The following ZBTB7C variants were observed in gnomAD, a reference collection of about 807,000 sequenced individuals.
The protein encoded by ZBTB7C is zinc finger and BTB domain containing 7C, also known as zinc finger and BTB domain-containing protein 7C.
A neutral mutation model predicts 25.7 loss-of-function variants in ZBTB7C; 8 were observed. That is an observed-to-expected ratio of 0.31 (90% CI 0.18 to 0.56). The LOEUF is 0.56. Ranked by LOEUF, ZBTB7C falls within the 20% of genes least tolerant of loss-of-function variation. The pLI, the probability that ZBTB7C is intolerant of heterozygous loss-of-function variation, is 0.91. For missense variants in ZBTB7C, 824 were observed against 855.2 expected, an observed-to-expected ratio of 0.96 and a Z score of 0.46; for synonymous variants, 394 against 369.0, an observed-to-expected ratio of 1.07 and a Z score of -0.78.
At chr18:48,140,979 C>T (rs1441744215) in intron 3 of ZBTB7C, among the ~76,000 whole-genome samples, 2 of 152,208 alleles carry the variant, frequency 1.3e-5, no homozygotes, top group Non-Finnish European at 2.9e-5. Flanking sequence ...GCTCCTTCGG[C>T]CCAACGCCAC....
chr18:48,112,522 A>G (rs2039284382), intron 3 of ZBTB7C, among the ~76,000 whole-genome samples: 5 of 151,744 alleles, frequency 3.3e-5, no homozygotes, highest in African/African-American at 1.2e-4. Context: ...AGATTTTTAT[A>G]TTTTTAGTAG....
upstream of ZBTB7C, among the ~76,000 whole-genome samples, chr18:48,412,496 G>A (rs1342177166): frequency 6.6e-6 from 1 of 152,184 alleles, no homozygotes; most frequent in Non-Finnish European, 1.5e-5. Context: ...GTCAGGGGCA[G>A]CATTTGGATC....
At chr18:48,049,626 T>C (rs972396510) in intron 3 of ZBTB7C, among the ~76,000 whole-genome samples, 1 of 151,850 alleles carries the variant, frequency 6.6e-6, no homozygotes, top group African/African-American at 2.4e-5. Flanking sequence ...ATAAGGTGCT[T>C]ATATTAATTC....
rs116975970 is a variant in ZBTB7C, at chr18:48,178,206, G to A, written c.-17+7728C>T. Among the ~76,000 whole-genome samples the A allele has an allele frequency of 2.4e-3, 371 of 152,298 alleles. 4 individuals are homozygous for A. The East Asian group carries it at 0.044, about 18-fold the overall frequency. ...GCCACCTGTTTCCTGCCATGCCCCT[G>A]ACTCATGCGGACCCCTGTGGAGGGA... is the stretch of plus-strand genomic sequence containing the variant. On this transcript the variant is annotated intron_variant, in intron 3 of 4. Coordinates refer to ENST00000590800, the MANE Select transcript of ZBTB7C (RefSeq NM_001318841.2).
intron 3 of ZBTB7C, among the ~76,000 whole-genome samples, chr18:48,157,477 C>T (rs1427931227): frequency 6.6e-6 from 1 of 152,166 alleles, no homozygotes; most frequent in Non-Finnish European, 1.5e-5. Flanking sequence ...CTGCGGAGCC[C>T]TTCACACTTC....
chr18:48,406,785 C>T (rs1236146992), intron 1 of ZBTB7C, among the ~76,000 whole-genome samples: 3 of 152,220 alleles, frequency 2.0e-5, no homozygotes, highest in Admixed American at 6.5e-5. Context: ...TACAGATTGA[C>T]ACACATTGCA....
intron 2 of ZBTB7C, among the ~76,000 whole-genome samples, chr18:48,270,198 C>T (rs2044433243): frequency 6.7e-6 from 1 of 148,386 alleles, no homozygotes; most frequent in African/African-American, 2.5e-5. Flanking sequence ...GAGTATACAT[C>T]AATGAAAGAG....
chr18:48,266,342 A>G (rs887185982), intron 2 of ZBTB7C, among the ~76,000 whole-genome samples: 8 of 152,054 alleles, frequency 5.3e-5, no homozygotes, highest in African/African-American at 1.7e-4. Context: ...TCTGGTCCCT[A>G]TTAGGCCTTT....
At chr18:48,386,226 T>C (rs1295444590) in intron 1 of ZBTB7C, among the ~76,000 whole-genome samples, 1 of 152,204 alleles carries the variant, frequency 6.6e-6, no homozygotes. Flanking sequence ...CCCTCTTCCC[T>C]GGCCCCCACA....
chr18:48,109,583 A>G (rs898274705), intron 3 of ZBTB7C, among the ~76,000 whole-genome samples: 3 of 151,608 alleles, frequency 2.0e-5, no homozygotes, highest in Non-Finnish European at 4.4e-5. Context: ...ATTTGTGAAC[A>G]ATATTATCAG....
chr18:48,156,196 G>T (rs1408473439), intron 3 of ZBTB7C, among the ~76,000 whole-genome samples: 1 of 152,216 alleles, frequency 6.6e-6, no homozygotes, highest in Admixed American at 6.5e-5. Context: ...AAGTAAGAGG[G>T]AAGATGGAGC....
chr18:48,149,383 T>C (rs1295055881), intron 3 of ZBTB7C: 1 of 152,226 alleles, frequency 6.6e-6, no homozygotes, highest in East Asian at 1.9e-4. Flanking sequence ...GCATCTTCTC[T>C]AGCTGGCTCC....
upstream of ZBTB7C, among the ~76,000 whole-genome samples, chr18:48,411,132 C>T (rs2048381425): frequency 1.3e-5 from 2 of 151,976 alleles, no homozygotes; most frequent in South Asian, 2.1e-4. Context: ...CAAGGGAAAA[C>T]GGGCTCTGGA....
intron 1 of ZBTB7C, among the ~76,000 whole-genome samples, chr18:48,343,292 T>G (rs1453096768): frequency 6.6e-6 from 1 of 152,142 alleles, no homozygotes; most frequent in Non-Finnish European, 1.5e-5. Context: ...ATTTCCTAAT[T>G]TTAAGGATTG....
At chr18:48,097,865 T>TTACTTACAA (rs1327271198) in intron 3 of ZBTB7C, among the ~76,000 whole-genome samples, 1 of 152,132 alleles carries the variant, frequency 6.6e-6, no homozygotes, top group East Asian at 1.9e-4. Flanking sequence ...TTGGCTGTCT[T>TTACTTACAA]TACTTACAAG....
At chr18:48,149,352 G>A (rs971591884) in intron 3 of ZBTB7C, 1 of 152,272 alleles carries the variant, frequency 6.6e-6, no homozygotes, top group African/African-American at 2.4e-5. Context: ...ACCAAACAGG[G>A]CTCTGACACC....
At chr18:48,045,377 A>C (rs1188684654) in intron 3 of ZBTB7C, among the ~76,000 whole-genome samples, 1 of 152,234 alleles carries the variant, frequency 6.6e-6, no homozygotes, top group Non-Finnish European at 1.5e-5. Flanking sequence ...CGGGGGTAAG[A>C]AGAGAAGGGG....
chr18:48,222,725 G>A (rs2042993309), intron 2 of ZBTB7C, among the ~76,000 whole-genome samples: 4 of 152,134 alleles, frequency 2.6e-5, no homozygotes. Flanking sequence ...ATGTATGACT[G>A]ATATGAGACC....
Position 48,190,050 on chromosome 18 carries a change from T to C in ZBTB7C, c.-78-4055A>G, listed in dbSNP as rs16948827. ...CACTTGGCCCTTGACCAGAGTGCTG[T>C]TGGCCAAGGCTTTTCCTGACATCCT... is the stretch of plus-strand genomic sequence containing the variant. On this transcript the variant is annotated intron_variant, in intron 2 of 4. Transcript: ENST00000590800. 6.4e-3 allele frequency among the ~76,000 whole-genome samples: 976 copies of C among 152,292 alleles called. 35 individuals are homozygous for C. Among genetic ancestry groups the C allele is most frequent in the Admixed American group, 0.053 (808 of 15,302 alleles).
Sources: allele counts gnomAD v4.1 joint callset (sites outside exome capture counted in the v4.1 genomes callset), GRCh38; gene constraint gnomAD v4.1.1; transcripts MANE v1.5; gene names NCBI Gene and HGNC (gene_info 2026-07-23, HGNC 2026-07-21).